The following PTGIS variants were observed in gnomAD, a reference collection of about 807,000 sequenced individuals.
The protein encoded by PTGIS is prostacyclin synthase.
PTGIS carries 45 observed loss-of-function variants against 50.3 expected under a neutral mutation model. That is an observed-to-expected ratio of 0.90 (90% CI 0.70 to 1.15). The LOEUF is 1.15. Among genes scored for constraint, PTGIS ranks in the 50% most tolerant of loss-of-function variants. PTGIS has a pLI of 0.00. For missense variants in PTGIS, 668 were observed against 661.3 expected, an observed-to-expected ratio of 1.01 and a Z score of -0.11; for synonymous variants, 260 against 267.7, an observed-to-expected ratio of 0.97 and a Z score of 0.28.
chr20:49,522,328 T>A (rs1340059878), intron 6 of PTGIS, among the ~76,000 whole-genome samples: 1 of 152,106 alleles, frequency 6.6e-6, no homozygotes, highest in African/African-American at 2.4e-5. Context: ...CCACCCCAGC[T>A]AGAGCAGACC....
At chr20:49,514,450 C>G (rs777516957) in intron 6 of PTGIS, 55 bp from the exon 7 acceptor site, 395 of 1,590,268 alleles carry the variant, frequency 2.5e-4, no homozygotes, top group Non-Finnish European at 3.3e-4. Context: ...TGACTCGTCT[C>G]TGCCAGGGAC....
intron 3 of PTGIS, among the ~76,000 whole-genome samples, chr20:49,545,664 A>C (rs144537226): frequency 2.7e-4 from 41 of 152,280 alleles, no homozygotes; most frequent in Non-Finnish European, 4.7e-4. Context: ...CTTGCATCTA[A>C]GTCTAAGGCC....
Position 49,507,888 on chromosome 20 carries a change from A to C in PTGIS, c.*32T>G. 1 of 1,606,908 alleles carries C rather than the reference A, an allele frequency of 6.2e-7. No homozygotes were observed. Among genetic ancestry groups the C allele is most frequent in the Non-Finnish European group, 8.5e-7 (1 of 1,179,934 alleles). Reference sequence around the variant, plus strand: ...GGGCAGGCTGGGGCAGGCTGGGCAGAGGCGAGCACGTGGATCCATCTGCTC... The same window carrying C: ...GGGCAGGCTGGGGCAGGCTGGGCAGCGGCGAGCACGTGGATCCATCTGCTC... On this transcript the variant is annotated 3_prime_UTR_variant, in exon 10 of 10. Coordinates refer to ENST00000244043, the MANE Select transcript of PTGIS (RefSeq NM_000961.4).
intron 6 of PTGIS, 125 bp from the exon 7 acceptor site, chr20:49,514,520 C>T: frequency 8.8e-7 from 1 of 1,138,672 alleles, no homozygotes; most frequent in Non-Finnish European, 1.3e-6. Flanking sequence ...GCCAAACACC[C>T]AGGCATGACC....
At chr20:49,534,976 A>C (rs188880258) in intron 5 of PTGIS, among the ~76,000 whole-genome samples, 5 of 152,330 alleles carry the variant, frequency 3.3e-5, no homozygotes, top group African/African-American at 1.2e-4. Flanking sequence ...ACTGCACTCC[A>C]GTCTGGGTGA....
At chr20:49,509,903 T>TTTG (rs780996551) in intron 9 of PTGIS, among the ~76,000 whole-genome samples, 1 of 122,440 alleles carries the variant, frequency 8.2e-6, no homozygotes, top group Non-Finnish European at 1.6e-5. Context: ...TTTTTTTTTT[T>TTTG]CTGGAGACAG....
At chr20:49,523,710 C>T (rs750158365) in intron 6 of PTGIS, among the ~76,000 whole-genome samples, 3 of 151,812 alleles carry the variant, frequency 2.0e-5, no homozygotes, top group Non-Finnish European at 4.4e-5. Flanking sequence ...ACCTGGGAGG[C>T]GGAGGTTGCA....
In PTGIS at chr20:49,514,387, C is replaced by T. The variant is rs763281799; in HGVS notation, c.864G>A (p.Met288Ile). ...VLQLWATQGN[M>I]GPAAFWLLLF... is the part of the protein sequence containing the mutation. Reference sequence around the variant, plus strand: ...GCAGGAGCCAGAAGGCAGCGGGACCCATATTCCCCTGCAAGGAGAAGGGCC... The same window carrying T: ...GCAGGAGCCAGAAGGCAGCGGGACCTATATTCCCCTGCAAGGAGAAGGGCC... Residue 288 changes from methionine to isoleucine, a missense_variant, in exon 7 of 10, where the codon ATG becomes ATA. Transcript: ENST00000244043. 1 of 1,613,750 alleles carries T rather than the reference C, an allele frequency of 6.2e-7. No homozygotes were observed. The highest frequency in any genetic ancestry group is 8.5e-7 in the Non-Finnish European group (1 of 1,180,004).
chr20:49,508,591 C>T (rs1378317175), intron 9 of PTGIS, among the ~76,000 whole-genome samples: 6 of 152,236 alleles, frequency 3.9e-5, no homozygotes, highest in Non-Finnish European at 5.9e-5. Flanking sequence ...CACACTTTGC[C>T]GCCTTTCCCC....
intron 4 of PTGIS, among the ~76,000 whole-genome samples, chr20:49,541,546 A>T (rs1380015227): frequency 6.6e-6 from 1 of 152,160 alleles, no homozygotes; most frequent in Non-Finnish European, 1.5e-5. Flanking sequence ...AGCTTGGCCA[A>T]CATGGTGAAA....
At chr20:49,509,329 G>A (rs1249197591) in intron 9 of PTGIS, among the ~76,000 whole-genome samples, 1 of 152,226 alleles carries the variant, frequency 6.6e-6, no homozygotes, top group Non-Finnish European at 1.5e-5. Context: ...AGATGGACCA[G>A]CAGGGTTGTC....
In PTGIS at chr20:49,514,277, G is replaced by C. The variant is rs746476312; in HGVS notation, c.974C>G (p.Ser325Trp). ...SILWQAEQPV[S>W]QTTTLPQKVL... ...CTTCTGTGGGAGAGTGGTCGTCTGC[G>C]AGACAGGCTGCTCCGCTTGCCAAAG... The change falls in exon 7 of 10, where the codon TCG (serine) becomes TGG (tryptophan). Residue 325 changes from serine to tryptophan, a missense_variant. Transcript: ENST00000244043. 4 of 1,614,116 alleles carry C rather than the reference G, an allele frequency of 2.5e-6. No homozygotes were observed. The East Asian group carries it at 8.9e-5, about 36-fold the overall frequency.
chr20:49,520,574 T>A (rs1199567881), intron 6 of PTGIS, among the ~76,000 whole-genome samples: 1 of 152,206 alleles, frequency 6.6e-6, no homozygotes, highest in Non-Finnish European at 1.5e-5. Context: ...TCTCAAGTTA[T>A]CTGCCTGCCT....
chr20:49,531,006 A>C (rs1214987332), intron 5 of PTGIS, among the ~76,000 whole-genome samples: 12 of 152,146 alleles, frequency 7.9e-5, no homozygotes, highest in Non-Finnish European at 1.6e-4. Context: ...TGATCTGCCC[A>C]ACTCGGCCTC....
At chr20:49,561,437 G>T (rs927068) in intron 1 of PTGIS, among the ~76,000 whole-genome samples, 47,471 of 152,038 alleles carry the variant, frequency 0.31, 8,184 homozygotes, top group African/African-American at 0.47. Flanking sequence ...GCAGGGCCTT[G>T]CCTTGTGCCT....
chr20:49,540,413 G>T lies in PTGIS; in HGVS notation c.522-692C>A, dbSNP rs907720181. Among the ~76,000 whole-genome samples the T allele has an allele frequency of 6.6e-6, 1 of 152,134 alleles. No individual in the cohort carries two copies. The highest frequency in any genetic ancestry group is 6.5e-5 in the Admixed American group (1 of 15,276). ...AAGGCCCAGAGCTGAGAGTGCAACC[G>T]TGCCTGGTGGGAGAGGTGCCAGCTG... On this transcript the variant is annotated intron_variant, in intron 4 of 9. Transcript: ENST00000244043. This position sits in a 1 kb window ranked among gnomAD's most constrained non-coding sequence, Gnocchi z 4.8.
At chr20:49,541,889 G>A (rs1362349376) in intron 4 of PTGIS, among the ~76,000 whole-genome samples, 1 of 152,046 alleles carries the variant, frequency 6.6e-6, no homozygotes, top group Non-Finnish European at 1.5e-5. Flanking sequence ...ATACACACAC[G>A]ACCCACAGGC....
chr20:49,512,578 C>T (rs1981353835), intron 8 of PTGIS, among the ~76,000 whole-genome samples: 1 of 152,148 alleles, frequency 6.6e-6, no homozygotes, highest in Admixed American at 6.5e-5. Flanking sequence ...ACAGTAAACA[C>T]CCAATCTGTT....
intron 5 of PTGIS, among the ~76,000 whole-genome samples, chr20:49,531,159 A>C (rs550004216): frequency 6.6e-5 from 10 of 152,160 alleles, no homozygotes; most frequent in Non-Finnish European, 1.3e-4. Context: ...TTACATTTTT[A>C]ATGTTTAAAC....
Sources: allele counts gnomAD v4.1 joint callset (sites outside exome capture counted in the v4.1 genomes callset), GRCh38; gene constraint gnomAD v4.1.1; non-coding constraint Gnocchi (gnomAD v3.1); transcripts MANE v1.5; gene names NCBI Gene and HGNC (gene_info 2026-07-23, HGNC 2026-07-21).